STX8: variants seen among roughly 807,000 people sequenced by gnomAD.
STX8 encodes syntaxin 8.
A neutral mutation model predicts 37.5 loss-of-function variants in STX8; 23 were observed. The observed-to-expected ratio is 0.61, with a 90% confidence interval of 0.44 to 0.87. The LOEUF (loss-of-function observed/expected upper bound fraction) is 0.87, where lower values mean the gene tolerates loss of function less well. Ranked by LOEUF, STX8 falls within the 40% of genes least tolerant of loss-of-function variation. The pLI, the probability that STX8 is intolerant of heterozygous loss-of-function variation, is 0.00. For missense variants in STX8, 313 were observed against 284.7 expected (o/e 1.10, Z -0.71); for synonymous variants, 115 against 99.1 (o/e 1.16, Z -0.95).
intron 6 of STX8, among the ~76,000 whole-genome samples, chr17:9,412,880 G>A (rs768364472): frequency 4.6e-5 from 7 of 152,328 alleles, no homozygotes; most frequent in African/African-American, 1.7e-4. Flanking sequence ...ATTGAGGGGT[G>A]TAGAGGAAGT....
At chr17:9,545,619 C>T (rs1292443423) in intron 3 of STX8, among the ~76,000 whole-genome samples, 1 of 152,308 alleles carries the variant, frequency 6.6e-6, no homozygotes. Context: ...CTCGCTCTGT[C>T]GCCCAGGCTG....
chr17:9,400,227 C>T (rs1912558202), intron 6 of STX8, among the ~76,000 whole-genome samples: 1 of 151,270 alleles, frequency 6.6e-6, no homozygotes, highest in Admixed American at 6.6e-5. Context: ...CTCAGCCTGC[C>T]GAGTAGCTGA....
At chr17:9,309,526 T>C (rs1909118580) in intron 7 of STX8, among the ~76,000 whole-genome samples, 1 of 152,124 alleles carries the variant, frequency 6.6e-6, no homozygotes, top group Admixed American at 6.6e-5. Flanking sequence ...TATGAAATGA[T>C]TAAACTCTGG....
At chr17:9,459,628 G>A (rs1439844145) in intron 6 of STX8, among the ~76,000 whole-genome samples, 3 of 152,188 alleles carry the variant, frequency 2.0e-5, no homozygotes, top group Non-Finnish European at 2.9e-5. Flanking sequence ...CCATTCTCCT[G>A]CTTTAACCTC....
At position 9,557,487 on chromosome 17, in the gene STX8, T is replaced by C. The variant is rs771159986; in HGVS notation, c.159A>G (p.Glu53=). 1 of 1,614,132 alleles carries C rather than the reference T, an allele frequency of 6.2e-7. No homozygotes were observed. Among genetic ancestry groups the C allele is most frequent in the South Asian group, 1.1e-5 (1 of 91,086 alleles). ...ATAAGTCCTTCAAAAGGGCGATCTT[T>C]TCCTTCAGGTTCTGCAACAAAGCTC... ...TIRALLQNLK[E]KIALLKDLLL... Residue 53 remains glutamate, a synonymous_variant, in exon 3 of 8, where the codon GAA becomes GAG. Coordinates refer to ENST00000306357, the MANE Select transcript of STX8 (RefSeq NM_004853.3).
At chr17:9,563,308 G>C (rs567524630) in intron 2 of STX8, among the ~76,000 whole-genome samples, 1 of 151,824 alleles carries the variant, frequency 6.6e-6, no homozygotes, top group African/African-American at 2.4e-5. Context: ...TCAGCCTCCC[G>C]AGTAGCTGGG....
chr17:9,468,476 T>A (rs1473932612), intron 6 of STX8, among the ~76,000 whole-genome samples: 1 of 152,198 alleles, frequency 6.6e-6, no homozygotes, highest in Non-Finnish European at 1.5e-5. Flanking sequence ...GGTGATAACA[T>A]CCAGAGACTT....
At chr17:9,419,235 T>C (rs140827167) in intron 6 of STX8, among the ~76,000 whole-genome samples, 54 of 152,124 alleles carry the variant, frequency 3.5e-4, no homozygotes, top group African/African-American at 1.2e-3. Flanking sequence ...TTCGTTATTT[T>C]ATTTAAAAAA....
intron 3 of STX8, chr17:9,553,901 T>C (rs1906862227): frequency 1.3e-5 from 2 of 152,218 alleles, no homozygotes; most frequent in African/African-American, 4.8e-5. Context: ...GGCTCTTCCA[T>C]TTCCTAGTTG....
At chr17:9,560,586 C>G (rs1283193123) in intron 2 of STX8, among the ~76,000 whole-genome samples, 1 of 152,092 alleles carries the variant, frequency 6.6e-6, no homozygotes, top group Non-Finnish European at 1.5e-5. Flanking sequence ...ACATAGTTAA[C>G]TGTGCAATAA....
intron 6 of STX8, among the ~76,000 whole-genome samples, chr17:9,424,115 T>C (rs552314984): frequency 6.6e-6 from 1 of 152,150 alleles, no homozygotes; most frequent in East Asian, 1.9e-4. Flanking sequence ...ACCATATTTT[T>C]CCCACCCCTC....
intron 1 of STX8, 113 bp downstream of exon 1, chr17:9,575,679 C>T: frequency 5.3e-6 from 7 of 1,315,772 alleles, no homozygotes; most frequent in Non-Finnish European, 4.2e-6. Context: ...CTCGCTGCCC[C>T]TCCCCTCATC....
intron 4 of STX8, among the ~76,000 whole-genome samples, chr17:9,529,876 A>G (rs189414096): frequency 1.3e-5 from 2 of 152,310 alleles, no homozygotes; most frequent in African/African-American, 4.8e-5. Flanking sequence ...ACTACTCTGG[A>G]GACTGAGGTG....
intron 6 of STX8, among the ~76,000 whole-genome samples, chr17:9,424,933 T>C (rs1913571136): frequency 6.6e-6 from 1 of 152,108 alleles, no homozygotes; most frequent in Admixed American, 6.6e-5. Context: ...AAGCAAAGAA[T>C]ACCATGTAAC....
intron 6 of STX8, among the ~76,000 whole-genome samples, chr17:9,406,992 G>C (rs1241765869): frequency 6.6e-6 from 1 of 152,094 alleles, no homozygotes; most frequent in Admixed American, 6.6e-5. Context: ...AATTCTGATT[G>C]TTCATACTAT....
intron 6 of STX8, among the ~76,000 whole-genome samples, chr17:9,407,565 T>C (rs755747653): frequency 1.4e-4 from 21 of 152,190 alleles, no homozygotes; most frequent in East Asian, 5.8e-4. Context: ...CCCAAGGTGG[T>C]TGGGGTGCAG....
chr17:9,358,341 G>A (rs145921100), intron 7 of STX8, among the ~76,000 whole-genome samples: 6 of 152,052 alleles, frequency 3.9e-5, no homozygotes, highest in Admixed American at 6.6e-5. Context: ...GCAACTGAGC[G>A]AGACCCTGTC....
At chr17:9,485,022 C>T (rs1016267650) in intron 6 of STX8, among the ~76,000 whole-genome samples, 1 of 152,124 alleles carries the variant, frequency 6.6e-6, no homozygotes, top group East Asian at 1.9e-4. Context: ...GGTATGATGG[C>T]ACATGCCTGT....
At chr17:9,402,565 C>T (rs1283314487) in intron 6 of STX8, among the ~76,000 whole-genome samples, 1 of 152,120 alleles carries the variant, frequency 6.6e-6, no homozygotes, top group African/African-American at 2.4e-5. Flanking sequence ...GTAGGGGCGT[C>T]CCACTCATTA....
Sources: gnomAD v4.1 joint callset for allele counts (sites outside exome capture counted in the v4.1 genomes callset) on GRCh38, gnomAD v4.1.1 for gene constraint, MANE v1.5 for transcripts, NCBI Gene and HGNC (gene_info 2026-07-23, HGNC 2026-07-21) for gene names.